Variants in NUCKS1 observed in about 807,000 individuals in gnomAD.
NUCKS1 encodes nuclear ubiquitous casein and cyclin-dependent kinase substrate 1.
Under a neutral mutation model 33.0 loss-of-function variants are expected in NUCKS1, and 2 were observed. That is an observed-to-expected ratio of 0.06 (90% CI 0.02 to 0.19). The LOEUF is 0.19. Among genes scored for constraint, NUCKS1 ranks in the 10% least tolerant of loss-of-function variants. The pLI, the probability that NUCKS1 is intolerant of heterozygous loss-of-function variation, is 1.00. For synonymous variants in NUCKS1, 106 were observed against 102.8 expected, an observed-to-expected ratio of 1.03 and a Z score of -0.19; for missense variants, 201 against 293.6, an observed-to-expected ratio of 0.68 and a Z score of 2.31.
In NUCKS1 at chr1:205,715,386, T is replaced by G. The variant is rs1671805248; in HGVS notation, c.*2894A>C. 6.6e-6 allele frequency: 1 copy of G among 152,236 alleles called. No individual in the cohort carries two copies. The allele number at this position is 152,236 out of a possible 1,614,324, so 9.4% of individuals were successfully genotyped here. A position where few individuals can be genotyped will look rare whatever the true frequency, so the allele number is the denominator to read the frequency against. On this transcript the variant is annotated 3_prime_UTR_variant, in exon 7 of 7. Transcript: ENST00000367142. ...GGAGGAAACACCCATTAATTTTCCC[T>G]TATGGAATCAATATGGAGTGGAAAT...
intron 1 of NUCKS1, among the ~76,000 whole-genome samples, chr1:205,738,885 G>A (rs762994271): frequency 1.3e-5 from 2 of 152,148 alleles, no homozygotes; most frequent in Non-Finnish European, 2.9e-5. Flanking sequence ...ACTCTGGCCT[G>A]GGTGAGAGAG....
chr1:205,749,689 G>A (rs1269343625), intron 1 of NUCKS1, among the ~76,000 whole-genome samples: 1 of 151,794 alleles, frequency 6.6e-6, no homozygotes, highest in Non-Finnish European at 1.5e-5. Flanking sequence ...CACCCCGCCC[G>A]CTCTAGTGCG....
At chr1:205,729,472 A>T in intron 2 of NUCKS1, 100 bp downstream of exon 2, 2 of 881,452 alleles carry the variant, frequency 2.3e-6, no homozygotes, top group Non-Finnish European at 3.7e-6. Context: ...ATCTAAAAAT[A>T]AAAAAGTAAA....
At position 205,714,053 on chromosome 1, in the gene NUCKS1, A is replaced by T. The variant is rs1671785000; in HGVS notation, c.*4227T>A. The T allele has an allele frequency of 6.6e-6, 1 of 152,162 alleles. No individual in the cohort carries two copies. The highest frequency in any genetic ancestry group is 2.1e-4 in the South Asian group (1 of 4,828). The allele number at this position is 152,162 out of a possible 1,614,324, so 9.4% of individuals were successfully genotyped here. On this transcript the variant is annotated 3_prime_UTR_variant, in exon 7 of 7. Transcript: ENST00000367142. ...GCAACATGTTCATGGTAAACAAACT[A>T]AGTAGAGCTCTTATTTACAAATCTT...
chr1:205,732,704 C>T (rs1653943664), intron 1 of NUCKS1, among the ~76,000 whole-genome samples: 2 of 139,180 alleles, frequency 1.4e-5, no homozygotes, highest in Non-Finnish European at 3.0e-5. Flanking sequence ...TTGCTTGAAC[C>T]TGGGAGACAG....
intron 1 of NUCKS1, among the ~76,000 whole-genome samples, chr1:205,741,297 C>CAAAAAAAAAAAA (rs56979923): frequency 2.8e-4 from 22 of 78,854 alleles, no homozygotes; most frequent in South Asian, 4.6e-4. Context: ...GAGACTGTCT[C>CAAAAAAAAAAAA]AAAAAAAAAA....
At chr1:205,730,195 A>G (rs2102437339) in intron 1 of NUCKS1, among the ~76,000 whole-genome samples, 1 of 152,160 alleles carries the variant, frequency 6.6e-6, no homozygotes, top group Middle Eastern at 3.4e-3. Flanking sequence ...CTGGGACTAC[A>G]GACGCATGCT....
intron 3 of NUCKS1, among the ~76,000 whole-genome samples, chr1:205,726,200 A>AAAAC (rs536856854): frequency 6.2e-4 from 95 of 152,238 alleles, no homozygotes; most frequent in African/African-American, 2.0e-3. Flanking sequence ...ACTGCCTCAA[A>AAAAC]AAACAAACAA....
intron 1 of NUCKS1, among the ~76,000 whole-genome samples, chr1:205,747,175 A>AGAATTGG (rs140853652): frequency 1.5e-4 from 23 of 152,296 alleles, no homozygotes; most frequent in South Asian, 1.2e-3. Flanking sequence ...GGTGGGGACC[A>AGAATTGG]GAATTGGGAA....
rs1264342677 is a variant in NUCKS1, at chr1:205,718,165, C to T, written c.*115G>A. ...AAAAAAGCACTGAAAGCCCATGAGTCAAGCCATAGCCAAAACCATGTTCTA... is the reference window on the plus strand; with the variant it reads ...AAAAAAGCACTGAAAGCCCATGAGTTAAGCCATAGCCAAAACCATGTTCTA... On this transcript the variant is annotated 3_prime_UTR_variant, in exon 7 of 7. Coordinates refer to ENST00000367142, the MANE Select transcript of NUCKS1 (RefSeq NM_022731.5). 1.7e-5 allele frequency: 23 copies of T among 1,374,866 alleles called. No individual in the cohort carries two copies. Among genetic ancestry groups the T allele is most frequent in the Non-Finnish European group, 2.0e-5 (21 of 1,069,898 alleles). 85.2% of individuals were successfully genotyped at this position (1,374,866 alleles called of 1,614,324 possible).
chr1:205,746,451 TCTCACACA>T (rs1164147367), intron 1 of NUCKS1, among the ~76,000 whole-genome samples: 21 of 116,184 alleles, frequency 1.8e-4, no homozygotes, highest in East Asian at 7.8e-4. Context: ...TCTCTCTCTC[TCTCACACA>T]CACACACACA....
At position 205,716,778 on chromosome 1, in the gene NUCKS1, A is replaced by G. The variant is rs1671829070; in HGVS notation, c.*1502T>C. 1 of 152,204 alleles carries G rather than the reference A, an allele frequency of 6.6e-6. No homozygotes were observed. The highest frequency in any genetic ancestry group is 1.5e-5 in the Non-Finnish European group (1 of 68,028). The allele number at this position is 152,204 out of a possible 1,614,324, so 9.4% of individuals were successfully genotyped here. A position where few individuals can be genotyped will look rare whatever the true frequency, so the allele number is the denominator to read the frequency against. ...AACCTTGTTCCCATTAGCGCCTGGTATTAGATGTGAAGGATCAAACCTACG... is the reference window on the plus strand; with the variant it reads ...AACCTTGTTCCCATTAGCGCCTGGTGTTAGATGTGAAGGATCAAACCTACG... On this transcript the variant is annotated 3_prime_UTR_variant, in exon 7 of 7. Transcript: ENST00000367142.
At position 205,719,553 on chromosome 1, in the gene NUCKS1, ATTTTC is replaced by A. The variant is rs946072681; in HGVS notation, c.501_505del (p.Lys167AsnfsTer42). The stretch of plus-strand genomic sequence containing the variant: ...TGTAGCCTTTAGTCTGGGTTTGGGC[ATTTTC>A]TTTTCTTTTCTTTCAGGTTTGGACT... On this transcript the variant is annotated frameshift_variant, in exon 6 of 7. Transcript: ENST00000367142. LOFTEE classifies it high-confidence loss of function. The A allele has an allele frequency of 6.2e-7, 1 of 1,610,232 alleles. No individual in the cohort carries two copies. Among genetic ancestry groups the A allele is most frequent in the Non-Finnish European group, 8.5e-7 (1 of 1,179,198 alleles).
At chr1:205,748,479 CA>C (rs1306948804) in intron 1 of NUCKS1, among the ~76,000 whole-genome samples, 1 of 152,022 alleles carries the variant, frequency 6.6e-6, no homozygotes, top group Non-Finnish European at 1.5e-5. Flanking sequence ...AGTTTTATGC[CA>C]AAAAAATTAC....
At chr1:205,746,409 G>T (rs1654326153) in intron 1 of NUCKS1, among the ~76,000 whole-genome samples, 1 of 149,482 alleles carries the variant, frequency 6.7e-6, no homozygotes, top group East Asian at 2.0e-4. Flanking sequence ...ATTTTAAAAA[G>T]TATAGATCCA....
chr1:205,733,037 G>A (rs1440460458), intron 1 of NUCKS1, among the ~76,000 whole-genome samples: 1 of 151,894 alleles, frequency 6.6e-6, no homozygotes, highest in African/African-American at 2.4e-5. Flanking sequence ...TAGAACCAGG[G>A]GAAGAAAGGT....
At chr1:205,727,496 T>G (rs1653808482) in intron 3 of NUCKS1, among the ~76,000 whole-genome samples, 1 of 152,236 alleles carries the variant, frequency 6.6e-6, no homozygotes, top group South Asian at 2.1e-4. Context: ...TTGTTATCAC[T>G]ACAATGAAAG....
intron 1 of NUCKS1, 114 bp from the exon 2 acceptor site, chr1:205,729,735 T>C: frequency 1.2e-6 from 1 of 849,288 alleles, no homozygotes; most frequent in Non-Finnish European, 2.0e-6. Context: ...TGAAAATTAT[T>C]TAATTGCTGG....
chr1:205,718,197 G>A lies in NUCKS1; in HGVS notation c.*83C>T, dbSNP rs955398287. On this transcript the variant is annotated 3_prime_UTR_variant, in exon 7 of 7. Transcript: ENST00000367142. ...TAGCCAAAACCATGTTCTATCTTAA[G>A]TAGGTTCTTTTTTTTCCTCCCTCTT... The A allele has an allele frequency of 1.3e-5, 20 of 1,497,052 alleles. No individual in the cohort carries two copies. The highest frequency in any genetic ancestry group is 1.8e-5 in the Non-Finnish European group (20 of 1,135,302). The allele number at this position is 1,497,052 out of a possible 1,614,324, so 92.7% of individuals were successfully genotyped here. A position where few individuals can be genotyped will look rare whatever the true frequency, so the allele number is the denominator to read the frequency against.
Sources: gnomAD v4.1 joint callset for allele counts (sites outside exome capture counted in the v4.1 genomes callset) on GRCh38, gnomAD v4.1.1 for gene constraint, MANE v1.5 for transcripts, NCBI Gene and HGNC (gene_info 2026-07-23, HGNC 2026-07-21) for gene names.